The following RPL11 variants were observed in gnomAD, a reference collection of about 807,000 sequenced individuals.
RPL11 encodes the protein ribosomal protein L11.
In RPL11, 3 loss-of-function variants were observed where a neutral mutation model predicts 24.1. The observed-to-expected ratio is 0.12, with a 90% confidence interval of 0.06 to 0.32. The LOEUF (loss-of-function observed/expected upper bound fraction) is 0.32. Among genes scored for constraint, RPL11 ranks in the 10% least tolerant of loss-of-function variants. RPL11 has a pLI of 1.00. For synonymous variants in RPL11, 96 were observed against 75.7 expected (o/e 1.27, Z -1.39); for missense variants, 146 against 225.7 (o/e 0.65, Z 2.26).
chr1:23,692,831 C>T lies in RPL11; in HGVS notation c.157+72C>T, dbSNP rs569014609. The T allele has an allele frequency of 5.0e-6, 8 of 1,588,494 alleles. No individual in the cohort carries two copies. The East Asian group carries it at 1.6e-4, about 31-fold the overall frequency. On this transcript the variant is annotated intron_variant, in intron 2 of 5. Transcript: ENST00000643754. ...GGTTGTTTCTTGATTTACCTGCTGT[C>T]GAGTCTGTTTAGAAAGTGACAGTCG...
At chr1:23,692,309 C>T (rs1230280536) in intron 1 of RPL11, 2 of 440,100 alleles carry the variant, frequency 4.5e-6, no homozygotes, top group Admixed American at 3.6e-5. Flanking sequence ...CTTAGTTGGC[C>T]TTACAATGGG....
At chr1:23,695,467 C>T (rs1644527749) in intron 4 of RPL11, 1 of 365,822 alleles carries the variant, frequency 2.7e-6, no homozygotes, top group East Asian at 6.3e-5. Context: ...ATGTTTTCTA[C>T]ACTGCTGGTG....
intron 1 of RPL11, 78 bp from the exon 2 acceptor site, chr1:23,692,531 A>G (rs1644507248): frequency 6.3e-7 from 1 of 1,575,142 alleles, no homozygotes; most frequent in Non-Finnish European, 8.7e-7. Flanking sequence ...AGAAATAAAA[A>G]TGCTGTGCAG....
rs764449210 is a variant in RPL11, at chr1:23,696,699, A to C, written c.*326A>C. 7 of 440,526 alleles carry C rather than the reference A, an allele frequency of 1.6e-5. No homozygotes were observed. Among genetic ancestry groups the C allele is most frequent in the South Asian group, 1.5e-4 (7 of 45,658 alleles). The allele number at this position is 440,526 out of a possible 1,614,324, so 27.3% of individuals were successfully genotyped here. On this transcript the variant is annotated 3_prime_UTR_variant, in exon 6 of 6. Transcript: ENST00000643754. The stretch of plus-strand genomic sequence containing the variant: ...TTAGAGCCTTGGTTAAGCAGGGTGC[A>C]GTGCTCCTGTGTTCCAGGAGGCCCC...
chr1:23,695,855 G>T lies in RPL11; in HGVS notation c.454G>T (p.Gly152Trp). 6.2e-7 allele frequency: 1 copy of T among 1,600,726 alleles called. No individual in the cohort carries two copies. The highest frequency in any genetic ancestry group is 8.5e-7 in the Non-Finnish European group (1 of 1,173,808). Residue 152 changes from glycine to tryptophan, a missense_variant, in exon 5 of 6, where the codon GGG becomes TGG. By Grantham distance (184) the Gly-to-Trp change is radical. Transcript: ENST00000643754. ...ADKKRRTGCI[G>W]AKHRISKEEA... ...CAAGAAGCGCAGGACAGGCTGCATT[G>T]GGGCCAAACACAGAATCAGCAAAGA...
intron 2 of RPL11, 124 bp from the exon 3 acceptor site, chr1:23,693,683 C>A: frequency 2.8e-6 from 2 of 720,290 alleles, no homozygotes; most frequent in Middle Eastern, 5.3e-4. Context: ...TAGAACACCA[C>A]AACTTAAAAG....
chr1:23,693,746 AAAGAG>A (rs1461433746), intron 2 of RPL11, 56 bp from the exon 3 acceptor site: 1 of 1,107,850 alleles, frequency 9.0e-7, no homozygotes, highest in East Asian at 2.4e-5. Context: ...GTGTTCTGGG[AAAGAG>A]GTGAGTGTAG....
At chr1:23,696,103 C>T (rs974903869) in intron 5 of RPL11, among the ~76,000 whole-genome samples, 195 bp downstream of exon 5, 4 of 152,132 alleles carry the variant, frequency 2.6e-5, no homozygotes, top group Non-Finnish European at 5.9e-5. Context: ...CTCCCTGTCA[C>T]CATGAATGGG....
At chr1:23,693,692 A>G in intron 2 of RPL11, 115 bp from the exon 3 acceptor site, 1 of 739,996 alleles carries the variant, frequency 1.4e-6, no homozygotes, top group Non-Finnish European at 2.4e-6. Flanking sequence ...ACAACTTAAA[A>G]GAGTGTGGAT....
At chr1:23,695,373 TGGA>T (rs1305417481) in intron 4 of RPL11, 2 of 285,456 alleles carry the variant, frequency 7.0e-6, no homozygotes, top group African/African-American at 4.4e-5. Flanking sequence ...CACAGGATGT[TGGA>T]GGAACAGCAC....
chr1:23,696,603 C>G lies in RPL11; in HGVS notation c.*230C>G, dbSNP rs1644534172. 3.3e-6 allele frequency: 2 copies of G among 603,432 alleles called. No homozygotes were observed. The highest frequency in any genetic ancestry group is 5.9e-6 in the Non-Finnish European group (2 of 337,266). 37.4% of individuals were successfully genotyped at this position (603,432 alleles called of 1,614,324 possible). ...GCATTCATTGCCTGTGCTTGCCACA[C>G]CTTGGTTGATGTGCTGTGGTGCAGT... On this transcript the variant is annotated 3_prime_UTR_variant, in exon 6 of 6. Transcript: ENST00000643754.
chr1:23,692,273 T>A (rs1644505223), intron 1 of RPL11: 1 of 421,932 alleles, frequency 2.4e-6, no homozygotes, highest in East Asian at 5.1e-5. Context: ...ACTGAGCAAT[T>A]AAGTTCTGTT....
chr1:23,695,361 C>T, intron 4 of RPL11: 1 of 280,806 alleles, frequency 3.6e-6, no homozygotes, highest in East Asian at 8.9e-5. Flanking sequence ...GACTTGGATA[C>T]TCACAGGATG....
Position 23,696,826 on chromosome 1 carries a change from C to T in RPL11, c.*453C>T, listed in dbSNP as rs1644535513. 1 of 227,286 alleles carries T rather than the reference C, an allele frequency of 4.4e-6. No individual in the cohort carries two copies. Among genetic ancestry groups the T allele is most frequent in the South Asian group, 6.8e-5 (1 of 14,694 alleles). The allele number at this position is 227,286 out of a possible 1,614,324, so 14.1% of individuals were successfully genotyped here. On this transcript the variant is annotated 3_prime_UTR_variant, in exon 6 of 6. Coordinates refer to ENST00000643754, the MANE Select transcript of RPL11 (RefSeq NM_000975.5). ...TGTGATGGTTGAGATTAAATTTAGACTTAACTGTTCAGGCTCAGGTTTCTT... is the reference window on the plus strand; with the variant it reads ...TGTGATGGTTGAGATTAAATTTAGATTTAACTGTTCAGGCTCAGGTTTCTT...
At chr1:23,692,848 T>G in intron 2 of RPL11, 89 bp downstream of exon 2, 1 of 1,553,756 alleles carries the variant, frequency 6.4e-7, no homozygotes, top group African/African-American at 1.4e-5. Flanking sequence ...GTTTAGAAAG[T>G]GACAGTCGGC....
chr1:23,695,373 T>G, intron 4 of RPL11: 2 of 285,572 alleles, frequency 7.0e-6, no homozygotes, highest in Non-Finnish European at 1.4e-5. Flanking sequence ...CACAGGATGT[T>G]GGAGGAACAG....
At chr1:23,692,883 A>T in intron 2 of RPL11, 124 bp downstream of exon 2, 5 of 1,160,596 alleles carry the variant, frequency 4.3e-6, no homozygotes, top group Non-Finnish European at 6.1e-6. Flanking sequence ...TAAATTCATG[A>T]GCCGGCCAAG....
intron 4 of RPL11, 96 bp from the exon 5 acceptor site, chr1:23,695,702 A>AG: frequency 8.5e-7 from 1 of 1,176,344 alleles, no homozygotes; most frequent in Non-Finnish European, 1.2e-6. Flanking sequence ...TGGGCTGCCA[A>AG]GTGACTCTTT....
At chr1:23,695,112 A>G (rs945854160) in intron 4 of RPL11, 12 of 403,986 alleles carry the variant, frequency 3.0e-5, no homozygotes, top group Non-Finnish European at 4.2e-5. Context: ...TATTGGTGCC[A>G]CATTTGGCCT....
Sources: allele counts gnomAD v4.1 joint callset (sites outside exome capture counted in the v4.1 genomes callset), GRCh38; gene constraint gnomAD v4.1.1; transcripts MANE v1.5; gene names NCBI Gene and HGNC (gene_info 2026-07-23, HGNC 2026-07-21).